ATXN10: variants seen among roughly 807,000 people sequenced by gnomAD.
ATXN10 encodes ataxin 10.
ATXN10 carries 28 observed loss-of-function variants against 52.9 expected under a neutral mutation model. The observed-to-expected ratio is 0.53, with a 90% CI of 0.39 to 0.73. The LOEUF is 0.73. ATXN10 is among the 30% of genes least tolerant of loss of function. The probability of loss-of-function intolerance (pLI) is 0.00; values close to 1 mark genes in which losing one functional copy is unlikely to be tolerated. For missense variants in ATXN10, 565 were observed against 577.0 expected (o/e 0.98, Z 0.21); for synonymous variants, 226 against 221.5 (o/e 1.02, Z -0.18).
At chr22:45,699,524 G>T (rs1923755652) in intron 3 of ATXN10, among the ~76,000 whole-genome samples, 1 of 139,198 alleles carries the variant, frequency 7.2e-6, no homozygotes, top group Non-Finnish European at 1.5e-5. Context: ...CAGGGTCTGG[G>T]TCTGTCTCCC....
At chr22:45,804,206 G>A (rs1035518899) in intron 9 of ATXN10, among the ~76,000 whole-genome samples, 4 of 152,134 alleles carry the variant, frequency 2.6e-5, no homozygotes, top group Non-Finnish European at 5.9e-5. Context: ...ACCTTGAATA[G>A]CACTTATTAG....
chr22:45,686,714 G>T (rs1923153382), intron 1 of ATXN10, among the ~76,000 whole-genome samples: 2 of 151,980 alleles, frequency 1.3e-5, no homozygotes, highest in Non-Finnish European at 2.9e-5. Context: ...AGCTACTCAG[G>T]AGGCTGAGGC....
rs557827110 is a variant in ATXN10 at position 45,761,903 on chromosome 22, A to T, written c.1173+21365A>T. Among the ~76,000 whole-genome samples, 17 of 152,370 alleles carry T rather than the reference A, an allele frequency of 1.1e-4. No homozygotes were observed. The South Asian group carries it at 3.3e-3, about 30-fold the overall frequency. On this transcript the variant is annotated intron_variant, in intron 9 of 11. Transcript: ENST00000252934. ...AAACTATACTTAAATAGATTAAAGTATAATCTGGCTTTTAAAAAAAACACA... is the reference window on the plus strand; with the variant it reads ...AAACTATACTTAAATAGATTAAAGTTTAATCTGGCTTTTAAAAAAAACACA...
chr22:45,808,909 G>A (rs995292229), intron 10 of ATXN10, among the ~76,000 whole-genome samples: 2 of 152,152 alleles, frequency 1.3e-5, no homozygotes, highest in African/African-American at 2.4e-5. Flanking sequence ...GCAAGATCAC[G>A]GAATCTCCTG....
At chr22:45,687,434 A>G (rs76684392) in intron 1 of ATXN10, among the ~76,000 whole-genome samples, 182 of 152,312 alleles carry the variant, frequency 1.2e-3, no homozygotes, top group African/African-American at 4.3e-3. Flanking sequence ...CCCATATAAG[A>G]GGCAGACGGC....
At chr22:45,752,743 C>CTT (rs749747399) in intron 9 of ATXN10, among the ~76,000 whole-genome samples, 3 of 145,742 alleles carry the variant, frequency 2.1e-5, no homozygotes, top group Non-Finnish European at 3.0e-5. Flanking sequence ...AGATCCACTT[C>CTT]TTTTTTTTTT....
At position 45,672,061 on chromosome 22, in the gene ATXN10, A is replaced by G; in HGVS notation, c.-3A>G. ...CAGGCTCGACCCAGCTGTGAGCGGC[A>G]AGATGGCGGCGCCCAGGCCGCCGCC... On this transcript the variant is annotated 5_prime_UTR_variant, in exon 1 of 12. Coordinates refer to ENST00000252934, the MANE Select transcript of ATXN10 (RefSeq NM_013236.4). 6.5e-7 allele frequency: 1 copy of G among 1,536,048 alleles called. No homozygotes were observed. The highest frequency in any genetic ancestry group is 8.7e-7 in the Non-Finnish European group (1 of 1,144,852).
chr22:45,735,324 C>G (rs983006360), intron 7 of ATXN10, among the ~76,000 whole-genome samples: 2 of 151,220 alleles, frequency 1.3e-5, no homozygotes, highest in Non-Finnish European at 2.9e-5. Flanking sequence ...GACAGGGTCT[C>G]GCCCTGTTCC....
In ATXN10 at chr22:45,816,059, A is replaced by T. The variant is rs1039283867; in HGVS notation, c.1237+9037A>T. On this transcript the variant is annotated intron_variant, in intron 10 of 11. Transcript: ENST00000252934. This position sits in a 1 kb window ranked among gnomAD's most constrained non-coding sequence, Gnocchi z 5.8. ...GAGGTCAGGAGTTTGAGACCAGCCT[A>T]GTCAACATGGTGAAACTGTCTCTCC... Among the ~76,000 whole-genome samples, 9 of 151,952 alleles carry T rather than the reference A, an allele frequency of 5.9e-5. No individual in the cohort carries two copies. Among genetic ancestry groups the T allele is most frequent in the African/African-American group, 2.2e-4 (9 of 41,374 alleles).
intron 4 of ATXN10, 44 bp from the exon 5 acceptor site, chr22:45,702,645 A>G (rs1238060831): frequency 1.2e-6 from 2 of 1,603,278 alleles, no homozygotes; most frequent in Non-Finnish European, 8.5e-7. Context: ...GTGTTTTATC[A>G]TGTTACTAAA....
Position 45,833,420 on chromosome 22 carries a change from T to C in ATXN10, c.1238-9571T>C, listed in dbSNP as rs1186588762. 1.3e-5 allele frequency among the ~76,000 whole-genome samples: 2 copies of C among 152,224 alleles called. No individual in the cohort carries two copies. On this transcript the variant is annotated intron_variant, in intron 10 of 11. Transcript: ENST00000252934. This position sits in a 1 kb window ranked among gnomAD's most constrained non-coding sequence, Gnocchi z 4.3. The stretch of plus-strand genomic sequence containing the variant: ...TCCTCAGGGCCTGCTGGGTCTTGTC[T>C]GTTCTAAATCGCCAGAAGCTCCACC...
chr22:45,749,854 C>T (rs28721384), intron 9 of ATXN10, among the ~76,000 whole-genome samples: 7,015 of 152,178 alleles, frequency 0.046, 186 homozygotes, highest in Non-Finnish European at 0.06. Flanking sequence ...GTTTGAGTCA[C>T]CTTACCTGGC....
At chr22:45,695,220 A>T (rs571101982) in intron 3 of ATXN10, among the ~76,000 whole-genome samples, 33 of 149,944 alleles carry the variant, frequency 2.2e-4, no homozygotes, top group African/African-American at 8.1e-4. Flanking sequence ...GCTACTGGGG[A>T]GGCTGAGGCA....
At chr22:45,803,211 A>G (rs1328678830) in intron 9 of ATXN10, among the ~76,000 whole-genome samples, 4 of 152,188 alleles carry the variant, frequency 2.6e-5, no homozygotes, top group Non-Finnish European at 5.9e-5. Context: ...CCCAAGGCCA[A>G]CAGATCTCAT....
In ATXN10 at chr22:45,842,906, G is replaced by A; in HGVS notation, c.1238-85G>A. 1 of 1,429,106 alleles carries A rather than the reference G, an allele frequency of 7.0e-7. No individual in the cohort carries two copies. The highest frequency in any genetic ancestry group is 9.9e-7 in the Non-Finnish European group (1 of 1,014,336). 88.5% of individuals were successfully genotyped at this position (1,429,106 alleles called of 1,614,324 possible). A position where few individuals can be genotyped will look rare whatever the true frequency, so the allele number is the denominator to read the frequency against. ...GATACTGGATGTTCCGTGTTTCTGT[G>A]CTCCTCTACTCCTTTTCTGATAATT... On this transcript the variant is annotated intron_variant, in intron 10 of 11. Coordinates refer to ENST00000252934, the MANE Select transcript of ATXN10 (RefSeq NM_013236.4). The surrounding 1 kb of genome is among the most constrained non-coding windows in gnomAD (Gnocchi z 4.8).
At chr22:45,767,478 A>T (rs891552664) in intron 9 of ATXN10, among the ~76,000 whole-genome samples, 1 of 152,032 alleles carries the variant, frequency 6.6e-6, no homozygotes, top group Non-Finnish European at 1.5e-5. Context: ...TATATAATTT[A>T]AAAAAGAAAC....
intron 9 of ATXN10, among the ~76,000 whole-genome samples, chr22:45,788,365 A>G (rs1239571884): frequency 1.3e-5 from 2 of 151,604 alleles, no homozygotes; most frequent in African/African-American, 4.9e-5. Context: ...ATCCATTTCA[A>G]CCAGACTCTT....
intron 10 of ATXN10, among the ~76,000 whole-genome samples, chr22:45,834,190 T>C (rs947912401): frequency 6.6e-6 from 1 of 152,192 alleles, no homozygotes; most frequent in African/African-American, 2.4e-5. Context: ...AGACACTTAA[T>C]TGTACAAAGC....
chr22:45,795,415 A>ATTCTATTCTT lies in ATXN10; in HGVS notation c.1174-11541_1174-11532dup, dbSNP rs1555896252. 6.5e-3 allele frequency among the ~76,000 whole-genome samples: 872 copies of ATTCTATTCTT among 134,198 alleles called. 13 individuals are homozygous for ATTCTATTCTT. The highest frequency in any genetic ancestry group is 7.7e-3 in the Non-Finnish European group (472 of 61,376). 88.0% of individuals were successfully genotyped at this position (134,198 alleles called of 152,430 possible). ...ATTCTATTCTATTCTATTCTATTCT[A>ATTCTATTCTT]TTCTATTCTTTTTGAGATGAAGTCT... On this transcript the variant is annotated intron_variant, in intron 9 of 11. Transcript: ENST00000252934. The surrounding 1 kb of genome is among the most constrained non-coding windows in gnomAD (Gnocchi z 4.6).
Sources: allele counts gnomAD v4.1 joint callset (sites outside exome capture counted in the v4.1 genomes callset), GRCh38; gene constraint gnomAD v4.1.1; non-coding constraint Gnocchi (gnomAD v3.1); transcripts MANE v1.5; gene names NCBI Gene and HGNC (gene_info 2026-07-23, HGNC 2026-07-21).